The following DNAH14 variants were observed in gnomAD, a reference collection of about 807,000 sequenced individuals.
The protein encoded by DNAH14 is dynein axonemal heavy chain 14, also known as axonemal beta dynein heavy chain 14.
In DNAH14, 478 loss-of-function variants were observed where a neutral mutation model predicts 520.9. The ratio of observed to expected loss-of-function variants is 0.92; its 90% CI spans 0.85 to 0.99. The LOEUF is 0.99. DNAH14 is among the 50% of genes least tolerant of loss of function. The pLI, the probability that DNAH14 is intolerant of heterozygous loss-of-function variation, is 0.00. For synonymous variants in DNAH14, 1,581 were observed against 1,757.2 expected, an observed-to-expected ratio of 0.90 and a Z score of 2.51; for missense variants, 4,831 against 5,234.5, an observed-to-expected ratio of 0.92 and a Z score of 2.38.
intron 7 of DNAH14, 76 bp downstream of exon 7, chr1:224,968,950 G>T: frequency 1.0e-6 from 1 of 985,556 alleles, no homozygotes; most frequent in East Asian, 2.9e-5. Context: ...TGACATCTGG[G>T]TTCTACTACA....
At chr1:225,085,430 A>G in intron 20 of DNAH14, 114 bp from the exon 21 acceptor site, 4 of 952,280 alleles carry the variant, frequency 4.2e-6, no homozygotes, top group Non-Finnish European at 6.2e-6. Flanking sequence ...AACTGGAATT[A>G]GATCTTCAAT....
chr1:225,341,226 T>G (rs936166983), intron 69 of DNAH14, among the ~76,000 whole-genome samples: 14 of 152,066 alleles, frequency 9.2e-5, no homozygotes, highest in African/African-American at 3.4e-4. Flanking sequence ...AGCCTCAACT[T>G]CCTGAGTACC....
At chr1:225,020,947 C>T (rs2065639766) in intron 10 of DNAH14, among the ~76,000 whole-genome samples, 1 of 152,088 alleles carries the variant, frequency 6.6e-6, no homozygotes, top group Non-Finnish European at 1.5e-5. Context: ...GGGAGCAGCA[C>T]ATCAAAAAGT....
At chr1:225,008,011 G>A (rs145795927) in intron 10 of DNAH14, among the ~76,000 whole-genome samples, 1,649 of 151,488 alleles carry the variant, frequency 0.011, 16 homozygotes, top group Non-Finnish European at 0.016. Context: ...TGCTATGGTG[G>A]TTTGCTGCAC....
chr1:224,944,556 G>A (rs1389921917), intron 1 of DNAH14, among the ~76,000 whole-genome samples: 1 of 152,050 alleles, frequency 6.6e-6, no homozygotes, highest in African/African-American at 2.4e-5. Flanking sequence ...TGTTTATTTT[G>A]CTCGTTAGTT....
At chr1:225,211,947 T>C (rs1480241022) in intron 41 of DNAH14, among the ~76,000 whole-genome samples, 3 of 151,920 alleles carry the variant, frequency 2.0e-5, no homozygotes, top group Non-Finnish European at 4.4e-5. Flanking sequence ...AGGGTACATG[T>C]GCACAACGTG....
In DNAH14 at chr1:225,381,444, T is replaced by C. The variant is rs1287569474; in HGVS notation, c.12942T>C (p.Phe4314=). ...TTTTGAAGCAAGAAATTAAACGATT[T>C]GATAAGTTATTATTTGTCATACATA... ...LTFLKQEIKR[F]DKLLFVIHKS... Residue 4314 remains phenylalanine (F), a synonymous_variant, in exon 81 of 86, where the codon TTT becomes TTC. Transcript: ENST00000682510. The C allele has an allele frequency of 1.9e-6, 3 of 1,550,934 alleles. No individual in the cohort carries two copies. In the South Asian group the frequency reaches 3.6e-5, roughly 19 times the overall value.
intron 43 of DNAH14, among the ~76,000 whole-genome samples, chr1:225,250,075 C>A (rs780672779): frequency 1.3e-5 from 2 of 152,156 alleles, no homozygotes; most frequent in Admixed American, 6.5e-5. Flanking sequence ...GTTTTCATTT[C>A]TCTTGGGTAG....
chr1:225,076,517 G>A (rs1286595997), intron 17 of DNAH14, among the ~76,000 whole-genome samples: 1 of 152,182 alleles, frequency 6.6e-6, no homozygotes, highest in Non-Finnish European at 1.5e-5. Context: ...ACAGGGATAT[G>A]ATTGCTGGAG....
chr1:225,192,452 T>C (rs2085570918), intron 37 of DNAH14, among the ~76,000 whole-genome samples: 1 of 152,012 alleles, frequency 6.6e-6, no homozygotes. Context: ...TAGGCACAGA[T>C]TTTTTTCCAC....
chr1:225,028,384 A>AT (rs2066289001), intron 11 of DNAH14, among the ~76,000 whole-genome samples: 1 of 151,914 alleles, frequency 6.6e-6, no homozygotes, highest in African/African-American at 2.4e-5. Context: ...GATTTTGTCC[A>AT]TTTTATCTAA....
chr1:225,178,240 A>G (rs34305765), intron 36 of DNAH14, among the ~76,000 whole-genome samples: 19,428 of 152,190 alleles, frequency 0.13, 1,391 homozygotes, highest in East Asian at 0.31. Flanking sequence ...CTGGTAAAAG[A>G]CATACCCAAG....
chr1:225,202,636 G>C (rs2086998549), intron 38 of DNAH14, among the ~76,000 whole-genome samples: 1 of 152,176 alleles, frequency 6.6e-6, no homozygotes, highest in Admixed American at 6.5e-5. Context: ...AAAGCAAGTA[G>C]GGCTTTCATG....
chr1:225,221,150 TAACTC>T (rs2090016236), intron 41 of DNAH14, among the ~76,000 whole-genome samples: 1 of 152,066 alleles, frequency 6.6e-6, no homozygotes. Context: ...ATACAAAAAT[TAACTC>T]AAGATGGATT....
intron 8 of DNAH14, among the ~76,000 whole-genome samples, chr1:224,991,989 G>A (rs1436828923): frequency 6.6e-6 from 1 of 152,156 alleles, no homozygotes; most frequent in Non-Finnish European, 1.5e-5. Flanking sequence ...ATTTATTGAA[G>A]AGACTATCCT....
chr1:225,171,452 C>T (rs1184078263), intron 36 of DNAH14, among the ~76,000 whole-genome samples: 5 of 152,084 alleles, frequency 3.3e-5, no homozygotes, highest in Admixed American at 6.5e-5. Flanking sequence ...CCACCGATCC[C>T]GCAGAAATAC....
At position 225,159,438 on chromosome 1, in the gene DNAH14, A is replaced by G; in HGVS notation, c.5398A>G (p.Ile1800Val). 6.5e-7 allele frequency: 1 copy of G among 1,543,416 alleles called. No individual in the cohort carries two copies. Among genetic ancestry groups the G allele is most frequent in the Non-Finnish European group, 8.7e-7 (1 of 1,143,948 alleles). The change falls in exon 35 of 86, where the codon ATT (isoleucine) becomes GTT (valine). Residue 1800 changes from isoleucine (I) to valine (V), a missense_variant. Transcript: ENST00000682510. ...VPLFENIIGD[I>V]FPEVTVLKVN... ...ACTTTTTGAAAATATTATAGGAGAT[A>G]TTTTTCCAGAAGTGACAGTTTTGAA...
At position 225,335,412 on chromosome 1, in the gene DNAH14, T is replaced by TGC. The variant is rs2094942066; in HGVS notation, c.10081-1854_10081-1853insGC. 2.1e-5 allele frequency among the ~76,000 whole-genome samples: 2 copies of TGC among 97,420 alleles called. 1 individual carries two copies. Among genetic ancestry groups the TGC allele is most frequent in the African/African-American group, 9.6e-5 (2 of 20,892 alleles). The allele number at this position is 97,420 out of a possible 152,430, so 63.9% of individuals were successfully genotyped here. ...ATATACACATGTGTACATGTGTGTG[T>TGC]ATGCACATATGCACGTGTGTACATG... On this transcript the variant is annotated intron_variant, in intron 66 of 85. Coordinates refer to ENST00000682510, the MANE Select transcript of DNAH14 (RefSeq NM_001367479.1).
intron 37 of DNAH14, among the ~76,000 whole-genome samples, chr1:225,188,179 A>G (rs1406387163): frequency 1.3e-5 from 2 of 151,906 alleles, no homozygotes; most frequent in African/African-American, 4.8e-5. Flanking sequence ...TACTTTGCAC[A>G]GTTTCAGTTA....
Sources: allele counts gnomAD v4.1 joint callset (sites outside exome capture counted in the v4.1 genomes callset), GRCh38; gene constraint gnomAD v4.1.1; transcripts MANE v1.5; gene names NCBI Gene and HGNC (gene_info 2026-07-23, HGNC 2026-07-21).